ADGRD1: variants seen among roughly 807,000 people sequenced by gnomAD.
ADGRD1 encodes G-protein coupled receptor 133.
In ADGRD1, 77 loss-of-function variants were observed where a neutral mutation model predicts 113.4. The observed-to-expected ratio is 0.68, with a 90% CI of 0.57 to 0.82. ADGRD1 has a LOEUF of 0.82. Ranked by LOEUF, ADGRD1 falls within the 40% of genes least tolerant of loss-of-function variation. The pLI is 0.00. For missense variants in ADGRD1, 1,036 were observed against 1,139.1 expected, an observed-to-expected ratio of 0.91 and a Z score of 1.30; for synonymous variants, 474 against 475.0, an observed-to-expected ratio of 1.00 and a Z score of 0.03.
At chr12:130,961,152 C>G (rs150302315) in intron 2 of ADGRD1, among the ~76,000 whole-genome samples, 4 of 151,944 alleles carry the variant, frequency 2.6e-5, no homozygotes, top group Non-Finnish European at 5.9e-5. Flanking sequence ...TTTCCCTGAA[C>G]GCACACAAGG....
In ADGRD1 at chr12:131,057,013, A is replaced by G. The variant is rs977918744; in HGVS notation, c.1474-19788A>G. Among the ~76,000 whole-genome samples the G allele has an allele frequency of 2.6e-5, 4 of 152,152 alleles. No homozygotes were observed. The highest frequency in any genetic ancestry group is 5.9e-5 in the Non-Finnish European group (4 of 68,030). Reference sequence around the variant, plus strand: ...ATTCGACAAATAGATGAGATTTAGGATGCTGGGAAGGAGGGGGAGGATAAT... The same window carrying G: ...ATTCGACAAATAGATGAGATTTAGGGTGCTGGGAAGGAGGGGGAGGATAAT... On this transcript the variant is annotated intron_variant, in intron 13 of 24. Coordinates refer to ENST00000261654, the MANE Select transcript of ADGRD1 (RefSeq NM_198827.5). This position sits in a 1 kb window ranked among gnomAD's most constrained non-coding sequence, Gnocchi z 4.2.
rs537064982 is a variant in ADGRD1, at chr12:131,062,574, C to T, written c.1474-14227C>T. Among the ~76,000 whole-genome samples, 5 of 152,260 alleles carry T rather than the reference C, an allele frequency of 3.3e-5. No homozygotes were observed. The South Asian group carries it at 1.0e-3, about 32-fold the overall frequency. ...GGAGCACTTTCCCCCATACTGTTCT[C>T]ATGGTAGTGAATACGTCTCTTGAGA... On this transcript the variant is annotated intron_variant, in intron 13 of 24. Coordinates refer to ENST00000261654, the MANE Select transcript of ADGRD1 (RefSeq NM_198827.5).
chr12:131,103,491 C>T (rs1209486393), intron 15 of ADGRD1, among the ~76,000 whole-genome samples: 4 of 152,270 alleles, frequency 2.6e-5, no homozygotes, highest in Admixed American at 6.5e-5. Context: ...CGCTGTGAAT[C>T]ACAGTTGAAG....
intron 15 of ADGRD1, among the ~76,000 whole-genome samples, chr12:131,085,473 C>G (rs993751213): frequency 6.6e-6 from 1 of 151,988 alleles, no homozygotes. Flanking sequence ...CAGGGAGGAG[C>G]GTGAGTTTCA....
Position 131,136,046 on chromosome 12 carries a change from CAAGGCA to C in ADGRD1, c.2278_2283del (p.Lys760_Ala761del), listed in dbSNP as rs917072608. The C allele has an allele frequency of 6.2e-7, 1 of 1,614,016 alleles. No homozygotes were observed. The highest frequency in any genetic ancestry group is 1.3e-5 in the African/African-American group (1 of 74,944). On this transcript the variant is annotated inframe_deletion, in exon 22 of 25. Transcript: ENST00000261654. The stretch of plus-strand genomic sequence containing the variant: ...CACTGTTTCTCTCCAGGTTGACAGC[CAAGGCA>C]GTGGCCGTGCTGCTGCCCATCCTGG...
At chr12:131,076,764 C>T (rs1282027342) in intron 13 of ADGRD1, 37 bp from the exon 14 acceptor site, 3 of 1,585,984 alleles carry the variant, frequency 1.9e-6, no homozygotes, top group Admixed American at 1.7e-5. Context: ...GCCTCTTCAG[C>T]AGCGTCATGC....
At chr12:131,101,103 G>A (rs1013151006) in intron 15 of ADGRD1, among the ~76,000 whole-genome samples, 5 of 152,118 alleles carry the variant, frequency 3.3e-5, no homozygotes, top group African/African-American at 7.2e-5. Flanking sequence ...GGGGAGAGAC[G>A]ATGCCCCATG....
In ADGRD1 at chr12:130,992,237, A is replaced by G; in HGVS notation, c.811A>G (p.Met271Val). The stretch of plus-strand genomic sequence containing the variant: ...AACTCATGTTGCCAATTTCTTTCAG[A>G]TGCCCACAGATGCCTACCATCCCAT... The part of the protein sequence containing the change: ...LFMTSTASPV[M>V]PTDAYHPIIT... Residue 271 changes from methionine (M) to valine (V), a missense_variant and splice_region_variant, in exon 8 of 25, where the codon ATG becomes GTG. Transcript: ENST00000261654. 6.2e-7 allele frequency: 1 copy of G among 1,603,818 alleles called. No homozygotes were observed. The highest frequency in any genetic ancestry group is 8.5e-7 in the Non-Finnish European group (1 of 1,177,226).
chr12:131,123,060 T>TTTTTTTTTTTTTTG (rs1950641265), intron 20 of ADGRD1, among the ~76,000 whole-genome samples: 1 of 132,790 alleles, frequency 7.5e-6, no homozygotes, highest in East Asian at 2.2e-4. Flanking sequence ...TTTTTTTTTT[T>TTTTTTTTTTTTTTG]TTTTTTTTTT....
At chr12:131,066,592 G>A (rs560582133) in intron 13 of ADGRD1, among the ~76,000 whole-genome samples, 86 of 152,326 alleles carry the variant, frequency 5.6e-4, no homozygotes, top group African/African-American at 1.9e-3. Context: ...CAGACAGACC[G>A]AATCCTGCCC....
At chr12:131,097,264 C>G (rs956644955) in intron 15 of ADGRD1, among the ~76,000 whole-genome samples, 17 of 152,124 alleles carry the variant, frequency 1.1e-4, no homozygotes, top group African/African-American at 3.6e-4. Context: ...GTCTGGAAAA[C>G]AAGAGGGTGA....
chr12:131,118,368 T>C lies in ADGRD1; in HGVS notation c.2042-17T>C. 6.3e-7 allele frequency: 1 copy of C among 1,592,646 alleles called. No individual in the cohort carries two copies. Among genetic ancestry groups the C allele is most frequent in the East Asian group, 2.2e-5 (1 of 44,612 alleles). ...AAACTGGAGCAAGTGAACATGATAT[T>C]CTCCAATCTTCTGCAGGTTTTCCTC... On this transcript the variant is annotated splice_polypyrimidine_tract_variant and intron_variant, in intron 18 of 24. Coordinates refer to ENST00000261654, the MANE Select transcript of ADGRD1 (RefSeq NM_198827.5).
chr12:131,076,745 G>A (rs1354843884), intron 13 of ADGRD1, 56 bp from the exon 14 acceptor site: 1 of 1,479,784 alleles, frequency 6.8e-7, no homozygotes, highest in South Asian at 1.1e-5. Context: ...TCAGTGCTGA[G>A]AACCAGGGGC....
chr12:130,990,863 A>C (rs1874290178), intron 6 of ADGRD1, 151 bp from the exon 7 acceptor site: 1 of 591,308 alleles, frequency 1.7e-6, no homozygotes, highest in Non-Finnish European at 3.0e-6. Flanking sequence ...TTCTTAGCCC[A>C]TAATTTATCT....
chr12:131,114,559 C>CG (rs568731454), intron 18 of ADGRD1, among the ~76,000 whole-genome samples: 17 of 152,064 alleles, frequency 1.1e-4, no homozygotes, highest in South Asian at 4.2e-4. Flanking sequence ...AAGCTGAAGT[C>CG]GGGGGGGTCT....
chr12:131,137,288 C>G (rs1158443653), intron 23 of ADGRD1, among the ~76,000 whole-genome samples: 1 of 152,236 alleles, frequency 6.6e-6, no homozygotes, highest in Non-Finnish European at 1.5e-5. Context: ...GCGTGCTCCC[C>G]ACAGTCCTCC....
chr12:131,003,448 A>G lies in ADGRD1; in HGVS notation c.1144+146A>G. 3.0e-6 allele frequency: 2 copies of G among 671,706 alleles called. No individual in the cohort carries two copies. The highest frequency in any genetic ancestry group is 5.3e-6 in the Non-Finnish European group (2 of 376,644). 41.6% of individuals were successfully genotyped at this position (671,706 alleles called of 1,614,324 possible). A position where few individuals can be genotyped will look rare whatever the true frequency, so the allele number is the denominator to read the frequency against. On this transcript the variant is annotated intron_variant, in intron 10 of 24. Coordinates refer to ENST00000261654, the MANE Select transcript of ADGRD1 (RefSeq NM_198827.5). This position sits in a 1 kb window ranked among gnomAD's most constrained non-coding sequence, Gnocchi z 4.8. ...CTGGCACAAACCACATTTGGAAGGA[A>G]AACCCGTGGTCAGATGAGGGCAGGT...
At chr12:131,032,757 G>C (rs12811261) in intron 13 of ADGRD1, among the ~76,000 whole-genome samples, 1 of 97,886 alleles carries the variant, frequency 1.0e-5, no homozygotes, top group African/African-American at 4.0e-5. Flanking sequence ...CGTCACAGAG[G>C]TGACGCTTAT....
intron 2 of ADGRD1, among the ~76,000 whole-genome samples, chr12:130,956,002 T>C (rs1217735843): frequency 6.6e-6 from 1 of 152,238 alleles, no homozygotes; most frequent in Non-Finnish European, 1.5e-5. Context: ...TTGGCCAGGC[T>C]GGTCTCGATC....
Sources: gnomAD v4.1 joint callset for allele counts (sites outside exome capture counted in the v4.1 genomes callset) on GRCh38, gnomAD v4.1.1 for gene constraint, Gnocchi (gnomAD v3.1) non-coding constraint, MANE v1.5 for transcripts, NCBI Gene and HGNC (gene_info 2026-07-23, HGNC 2026-07-21) for gene names.